RAB11FIP4: variants seen among roughly 807,000 people sequenced by gnomAD.
The protein encoded by RAB11FIP4 is rab11 family-interacting protein 4.
A neutral mutation model predicts 74.3 loss-of-function variants in RAB11FIP4; 23 were observed. That is an observed-to-expected ratio of 0.31 (90% CI 0.22 to 0.44). The LOEUF (loss-of-function observed/expected upper bound fraction) is 0.44, where lower values mean the gene tolerates loss of function less well. RAB11FIP4 is among the 20% of genes least tolerant of loss of function. RAB11FIP4 has a pLI of 1.00. For missense variants in RAB11FIP4, 630 were observed against 863.9 expected (o/e 0.73, Z 3.39); for synonymous variants, 360 against 359.9 (o/e 1.00, Z 0.00).
chr17:31,426,629 G>A (rs113155416), intron 1 of RAB11FIP4, among the ~76,000 whole-genome samples: 11,799 of 45,620 alleles, frequency 0.26, 813 homozygotes, highest in East Asian at 0.47. Flanking sequence ...ACGGAATTTT[G>A]CTCTTGTTGC....
At chr17:31,496,263 G>A (rs2072114091) in intron 3 of RAB11FIP4, among the ~76,000 whole-genome samples, 2 of 152,182 alleles carry the variant, frequency 1.3e-5, no homozygotes, top group African/African-American at 4.8e-5. Flanking sequence ...CAGCTGTGTG[G>A]CCTTGGCAAA....
chr17:31,457,967 A>G (rs932422861), intron 3 of RAB11FIP4, among the ~76,000 whole-genome samples: 1 of 152,100 alleles, frequency 6.6e-6, no homozygotes, highest in Non-Finnish European at 1.5e-5. Flanking sequence ...TCTCAGCAGG[A>G]GCCAGACAAA....
chr17:31,417,620 A>G (rs547009710), intron 1 of RAB11FIP4, among the ~76,000 whole-genome samples: 3 of 152,338 alleles, frequency 2.0e-5, no homozygotes, highest in Admixed American at 6.5e-5. Flanking sequence ...TCCGATGCCC[A>G]TGGGGGCCAG....
intron 4 of RAB11FIP4, among the ~76,000 whole-genome samples, chr17:31,520,255 C>T (rs994478888): frequency 6.6e-6 from 1 of 152,118 alleles, no homozygotes; most frequent in Non-Finnish European, 1.5e-5. Flanking sequence ...CATTTCATAT[C>T]TGGGACTTGA....
At chr17:31,443,633 G>A (rs1200390281) in intron 3 of RAB11FIP4, among the ~76,000 whole-genome samples, 1 of 152,056 alleles carries the variant, frequency 6.6e-6, no homozygotes, top group Non-Finnish European at 1.5e-5. Context: ...AGGTTTGCCC[G>A]GTGCAGTGGC....
chr17:31,529,792 C>T (rs150651427), intron 13 of RAB11FIP4, among the ~76,000 whole-genome samples: 1 of 152,298 alleles, frequency 6.6e-6, no homozygotes, highest in East Asian at 1.9e-4. Flanking sequence ...CAACCCTTCT[C>T]CTAGTCTAGG....
intron 1 of RAB11FIP4, among the ~76,000 whole-genome samples, chr17:31,401,229 G>A (rs9895400): frequency 1.3e-5 from 2 of 151,472 alleles, no homozygotes; most frequent in Non-Finnish European, 2.9e-5. Context: ...CCAAGATCAC[G>A]CCACTGCACT....
At chr17:31,472,780 C>T (rs964797211) in intron 3 of RAB11FIP4, among the ~76,000 whole-genome samples, 4 of 151,862 alleles carry the variant, frequency 2.6e-5, no homozygotes, top group Non-Finnish European at 4.4e-5. Context: ...TGCCCGTAAT[C>T]CCAGTACTTT....
intron 3 of RAB11FIP4, among the ~76,000 whole-genome samples, chr17:31,440,791 A>G (rs178854): frequency 1.3e-5 from 2 of 151,958 alleles, no homozygotes; most frequent in African/African-American, 4.8e-5. Flanking sequence ...AAAAACAAAT[A>G]AAAAAAACTG....
At chr17:31,417,891 G>C (rs2071163056) in intron 1 of RAB11FIP4, among the ~76,000 whole-genome samples, 1 of 152,170 alleles carries the variant, frequency 6.6e-6, no homozygotes, top group African/African-American at 2.4e-5. Context: ...TTGAGGCCAG[G>C]AGTTCAAGAC....
At chr17:31,395,697 G>A (rs1415234005) in intron 1 of RAB11FIP4, among the ~76,000 whole-genome samples, 1 of 152,176 alleles carries the variant, frequency 6.6e-6, no homozygotes, top group African/African-American at 2.4e-5. Flanking sequence ...AGAGCCAAGT[G>A]GAGACTAAGG....
intron 1 of RAB11FIP4, among the ~76,000 whole-genome samples, chr17:31,401,679 G>A (rs1341313741): frequency 6.6e-6 from 1 of 152,212 alleles, no homozygotes; most frequent in Non-Finnish European, 1.5e-5. Flanking sequence ...CCTGCAGTGG[G>A]CACTGTCCCC....
At chr17:31,509,842 G>C (rs2072420224) in intron 3 of RAB11FIP4, among the ~76,000 whole-genome samples, 1 of 152,164 alleles carries the variant, frequency 6.6e-6, no homozygotes, top group Non-Finnish European at 1.5e-5. Flanking sequence ...GAGGTTGCTT[G>C]TTGTTCAGAA....
intron 3 of RAB11FIP4, among the ~76,000 whole-genome samples, chr17:31,441,270 C>G: frequency 6.6e-6 from 1 of 152,104 alleles, no homozygotes; most frequent in East Asian, 1.9e-4. Flanking sequence ...AGGTGATCCT[C>G]CTGCTTCGGC....
chr17:31,503,101 C>T (rs186489369), intron 3 of RAB11FIP4, among the ~76,000 whole-genome samples: 99 of 152,232 alleles, frequency 6.5e-4, no homozygotes, highest in Middle Eastern at 3.4e-3. Context: ...GGCACTATCT[C>T]GGCTCACTGC....
intron 3 of RAB11FIP4, among the ~76,000 whole-genome samples, chr17:31,513,278 A>G (rs569194473): frequency 3.9e-5 from 6 of 152,332 alleles, no homozygotes; most frequent in South Asian, 4.1e-4. Flanking sequence ...TGTTTTTATT[A>G]TGGCCAAGTT....
chr17:31,402,868 A>T (rs7504038), intron 1 of RAB11FIP4, among the ~76,000 whole-genome samples: 1 of 150,694 alleles, frequency 6.6e-6, no homozygotes, highest in Admixed American at 6.6e-5. Flanking sequence ...CTTGTGATCC[A>T]CCCGCCTTGG....
chr17:31,521,099 C>A, intron 4 of RAB11FIP4, 67 bp from the exon 5 acceptor site: 1 of 1,284,844 alleles, frequency 7.8e-7, no homozygotes, highest in Non-Finnish European at 1.1e-6. Flanking sequence ...CTGTCAGTTT[C>A]CCCACCACGG....
chr17:31,437,637 C>T (rs999142403), intron 3 of RAB11FIP4, among the ~76,000 whole-genome samples: 8 of 152,182 alleles, frequency 5.3e-5, no homozygotes, highest in East Asian at 1.9e-4. Flanking sequence ...GCTTGTTTTT[C>T]GGGCACAGCC....
Sources: gnomAD v4.1 joint callset for allele counts (sites outside exome capture counted in the v4.1 genomes callset) on GRCh38, gnomAD v4.1.1 for gene constraint, MANE v1.5 for transcripts, NCBI Gene and HGNC (gene_info 2026-07-23, HGNC 2026-07-21) for gene names.